The following RNF125 variants were observed in gnomAD, a reference collection of about 807,000 sequenced individuals.
The protein encoded by RNF125 is E3 ubiquitin-protein ligase RNF125.
A neutral mutation model predicts 26.0 loss-of-function variants in RNF125; 21 were observed. The observed-to-expected ratio is 0.81, with a 90% CI of 0.57 to 1.16. The LOEUF (loss-of-function observed/expected upper bound fraction) is 1.16, where lower values mean the gene tolerates loss of function less well. Among genes scored for constraint, RNF125 ranks in the 50% most tolerant of loss-of-function variants. The pLI, the probability that RNF125 is intolerant of heterozygous loss-of-function variation, is 0.00. For missense variants in RNF125, 270 were observed against 299.4 expected (o/e 0.90, Z 0.72); for synonymous variants, 95 against 109.2 (o/e 0.87, Z 0.81).
downstream of RNF125, chr18:32,076,038 G>A (rs889888): frequency 0.65 from 496,742 of 764,670 alleles, 163,101 homozygotes; most frequent in Admixed American, 0.78. Flanking sequence ...TGAGTTGCAC[G>A]TCAAATCTGG....
At chr18:32,078,152 A>C (rs1360027784), downstream of RNF125, among the ~76,000 whole-genome samples, 1 of 152,128 alleles carries the variant, frequency 6.6e-6, no homozygotes, top group East Asian at 1.9e-4. Context: ...TCCCCCATGA[A>C]AGGATGATAT....
chr18:32,048,546 C>T (rs1367847574), intron 4 of RNF125, among the ~76,000 whole-genome samples: 2 of 151,964 alleles, frequency 1.3e-5, no homozygotes, highest in Non-Finnish European at 2.9e-5. Context: ...TAAACTGAGA[C>T]TCAGAGAGGT....
downstream of RNF125, among the ~76,000 whole-genome samples, chr18:32,077,752 C>G (rs1426396303): frequency 2.6e-5 from 4 of 151,924 alleles, no homozygotes; most frequent in Admixed American, 2.6e-4. Flanking sequence ...TACCATTTTT[C>G]TCTCTTAGCA....
chr18:32,056,338 G>C (rs769472225), intron 4 of RNF125, among the ~76,000 whole-genome samples: 1 of 152,090 alleles, frequency 6.6e-6, no homozygotes, highest in Non-Finnish European at 1.5e-5. Flanking sequence ...CTGGCCTGGC[G>C]TGGTGGCTCC....
chr18:32,024,627 G>T (rs2039016242), intron 1 of RNF125, among the ~76,000 whole-genome samples: 2 of 151,832 alleles, frequency 1.3e-5, no homozygotes, highest in African/African-American at 4.8e-5. Context: ...TTTTTATAGA[G>T]ACAGGGTCTG....
chr18:32,046,316 G>T (rs140012061), intron 4 of RNF125, among the ~76,000 whole-genome samples: 131 of 151,868 alleles, frequency 8.6e-4, no homozygotes, highest in African/African-American at 3.0e-3. Flanking sequence ...TGCAAATAAG[G>T]CTGGGCGTGG....
At chr18:32,035,959 C>A (rs879643628) in intron 1 of RNF125, among the ~76,000 whole-genome samples, 1 of 152,038 alleles carries the variant, frequency 6.6e-6, no homozygotes, top group African/African-American at 2.4e-5. Flanking sequence ...TCGAGACCAG[C>A]CTGACCAACA....
At chr18:32,087,536 A>T in the RNF125 span, among the ~76,000 whole-genome samples, 68 of 151,820 alleles carry the variant, frequency 4.5e-4, no homozygotes, top group African/African-American at 1.6e-3. Context: ...TGCTTGGTGC[A>T]TGGGGAAAAC....
intron 4 of RNF125, among the ~76,000 whole-genome samples, chr18:32,055,299 TAAAA>T (rs201480477): frequency 2.9e-4 from 41 of 141,970 alleles, no homozygotes; most frequent in Admixed American, 5.0e-4. Flanking sequence ...ACCATGTCTC[TAAAA>T]AAAAAAAAAA....
chr18:32,021,723 G>GTTTGAATATTATAAT, intron 1 of RNF125, among the ~76,000 whole-genome samples: 1 of 152,216 alleles, frequency 6.6e-6, no homozygotes, highest in Non-Finnish European at 1.5e-5. Flanking sequence ...TGTTTTCTCG[G>GTTTGAATATTATAAT]TTTGGACTTT....
the RNF125 span, among the ~76,000 whole-genome samples, chr18:32,088,948 C>T: frequency 1.3e-5 from 2 of 152,056 alleles, no homozygotes; most frequent in African/African-American, 4.8e-5. Context: ...GGAGTGTGTG[C>T]CCTGGAAGCA....
the RNF125 span, among the ~76,000 whole-genome samples, chr18:32,089,002 G>A: frequency 6.6e-6 from 1 of 152,158 alleles, no homozygotes; most frequent in South Asian, 2.1e-4. Context: ...GAACCACAAA[G>A]GATGTCATAG....
intron 2 of RNF125, among the ~76,000 whole-genome samples, chr18:32,040,624 G>T (rs1388614908): frequency 6.6e-6 from 1 of 152,104 alleles, no homozygotes; most frequent in Admixed American, 6.6e-5. Context: ...TCTTCTGTTA[G>T]ATTGTAAGCA....
intron 4 of RNF125, among the ~76,000 whole-genome samples, chr18:32,050,668 C>G (rs770860557): frequency 1.3e-5 from 2 of 151,756 alleles, no homozygotes; most frequent in Non-Finnish European, 2.9e-5. Flanking sequence ...AATTCCATCT[C>G]TGGAATATTA....
the RNF125 span, among the ~76,000 whole-genome samples, chr18:32,080,875 C>T: frequency 6.6e-6 from 1 of 151,394 alleles, no homozygotes; most frequent in East Asian, 2.0e-4. Flanking sequence ...GACTGCGTCT[C>T]AAAAAGGCAA....
At chr18:32,057,140 A>T (rs1327565527) in intron 4 of RNF125, among the ~76,000 whole-genome samples, 2 of 152,086 alleles carry the variant, frequency 1.3e-5, no homozygotes, top group Non-Finnish European at 2.9e-5. Flanking sequence ...ATTGCAGTTT[A>T]TTGATGTTTT....
chr18:32,052,623 T>C, intron 4 of RNF125, among the ~76,000 whole-genome samples: 1 of 152,166 alleles, frequency 6.6e-6, no homozygotes, highest in East Asian at 1.9e-4. Context: ...TTTAATTACC[T>C]CCTCAAATGG....
At chr18:32,019,975 G>T (rs191703271) in intron 1 of RNF125, among the ~76,000 whole-genome samples, 2 of 152,000 alleles carry the variant, frequency 1.3e-5, no homozygotes, top group African/African-American at 4.8e-5. Flanking sequence ...GGTGGAGTTG[G>T]AGCTGTGAAT....
the RNF125 span, among the ~76,000 whole-genome samples, chr18:32,078,791 A>C: frequency 6.6e-6 from 1 of 152,270 alleles, no homozygotes; most frequent in Admixed American, 6.5e-5. Flanking sequence ...ACTGTTTCTA[A>C]GGTTTTAGGA....
Sources: gnomAD v4.1 joint callset for allele counts (sites outside exome capture counted in the v4.1 genomes callset) on GRCh38, gnomAD v4.1.1 for gene constraint, MANE v1.5 for transcripts, NCBI Gene and HGNC (gene_info 2026-07-23, HGNC 2026-07-21) for gene names.